The following AP1B1 variants were observed in gnomAD, a reference collection of about 807,000 sequenced individuals.
The protein encoded by AP1B1 is AP-1 complex subunit beta-1.
In AP1B1, 36 loss-of-function variants were observed where a neutral mutation model predicts 104.3. The ratio of observed to expected loss-of-function variants is 0.35; its 90% CI spans 0.26 to 0.46. The LOEUF is 0.46. Ranked by LOEUF, AP1B1 falls within the 20% of genes least tolerant of loss-of-function variation. The pLI is 1.00. For synonymous variants in AP1B1, 504 were observed against 517.5 expected (o/e 0.97, Z 0.35); for missense variants, 901 against 1,247.9 (o/e 0.72, Z 4.19).
chr22:29,356,166 CAA>C (rs903679175), intron 6 of AP1B1, among the ~76,000 whole-genome samples: 8 of 152,254 alleles, frequency 5.3e-5, no homozygotes, highest in Non-Finnish European at 8.8e-5. Flanking sequence ...CTATTGAACT[CAA>C]AAGAGGTGCC....
rs2061727245 is a variant in AP1B1 at position 29,342,330 on chromosome 22, T to C, written c.1491A>G (p.Thr497=). The change falls in exon 12 of 23, where the codon ACA becomes ACG. Residue 497 remains threonine, a synonymous_variant. Transcript: ENST00000357586. ...CCTGCTGCACCAGCTCCTGGGTCTCTGTTGGCTTCTTTAGAAAGAGTTTCA... is the reference window on the plus strand; with the variant it reads ...CCTGCTGCACCAGCTCCTGGGTCTCCGTTGGCTTCTTTAGAAAGAGTTTCA... ...AIVKLFLKKP[T]ETQELVQQVL... 6.2e-7 allele frequency: 1 copy of C among 1,614,036 alleles called. No individual in the cohort carries two copies. The highest frequency in any genetic ancestry group is 1.7e-5 in the Admixed American group (1 of 60,002).
At chr22:29,358,075 G>A (rs903236859) in intron 5 of AP1B1, among the ~76,000 whole-genome samples, 60 of 152,162 alleles carry the variant, frequency 3.9e-4, no homozygotes, top group African/African-American at 1.3e-3. Flanking sequence ...TGTACTGGCC[G>A]CTCAGTACTG....
At chr22:29,367,826 G>A (rs917843599) in intron 1 of AP1B1, among the ~76,000 whole-genome samples, 2 of 152,152 alleles carry the variant, frequency 1.3e-5, no homozygotes, top group African/African-American at 4.8e-5. Flanking sequence ...TAAAAGGCTA[G>A]GGAGACTTCT....
chr22:29,353,715 G>A (rs1051662336), intron 7 of AP1B1, among the ~76,000 whole-genome samples: 2 of 152,142 alleles, frequency 1.3e-5, no homozygotes, highest in Admixed American at 6.5e-5. Flanking sequence ...TCTTCCAAGA[G>A]AAAATGACTA....
chr22:29,344,077 T>A (rs1200580400), intron 11 of AP1B1, among the ~76,000 whole-genome samples: 1 of 140,694 alleles, frequency 7.1e-6, no homozygotes, highest in Non-Finnish European at 1.5e-5. Flanking sequence ...GCCATTGCAC[T>A]CCAGCATGGG....
At chr22:29,346,584 GCCCGCCGCTCA>G (rs893981622) in intron 11 of AP1B1, among the ~76,000 whole-genome samples, 3 of 152,218 alleles carry the variant, frequency 2.0e-5, no homozygotes, top group Non-Finnish European at 2.9e-5. Flanking sequence ...ATGCTTGCTT[GCCCGCCGCTCA>G]CCTCCCGCTG....
At chr22:29,377,810 CAAA>C (rs34461211) in intron 1 of AP1B1, among the ~76,000 whole-genome samples, 5 of 76,646 alleles carry the variant, frequency 6.5e-5, no homozygotes, top group Admixed American at 1.4e-4. Flanking sequence ...GACTCTGTCT[CAAA>C]AAAAAAAAAA....
intron 16 of AP1B1, among the ~76,000 whole-genome samples, chr22:29,337,519 G>A (rs1180241582): frequency 6.6e-6 from 1 of 152,184 alleles, no homozygotes; most frequent in African/African-American, 2.4e-5. Context: ...TGACAGAGCT[G>A]TCACTGCCCC....
At position 29,340,792 on chromosome 22, in the gene AP1B1, A is replaced by T. The variant is rs759362901; in HGVS notation, c.1862T>A (p.Val621Asp). The stretch of plus-strand genomic sequence containing the variant: ...CAGCAGGTCGCCCTGGGCGGGGATG[A>T]CATCTGGCTGCTCCCCAGGAGGTGC... ...TGAPPGEQPD[V>D]IPAQGDLLGD... The change falls in exon 14 of 23, where the codon GTC becomes GAC. Residue 621 changes from valine (V) to aspartate (D), a missense_variant. Val to Asp is a radical substitution (Grantham distance 152). Transcript: ENST00000357586. 6.2e-7 allele frequency: 1 copy of T among 1,600,922 alleles called. No homozygotes were observed. The highest frequency in any genetic ancestry group is 8.5e-7 in the Non-Finnish European group (1 of 1,175,108).
At chr22:29,387,376 C>T (rs928355762) in intron 1 of AP1B1, among the ~76,000 whole-genome samples, 1 of 149,484 alleles carries the variant, frequency 6.7e-6, no homozygotes, top group African/African-American at 2.5e-5. Context: ...CGCACGATCT[C>T]GGCTCACTGC....
chr22:29,330,446 G>C lies in AP1B1; in HGVS notation c.2698C>G (p.Leu900Val), dbSNP rs558578005. 8.1e-6 allele frequency: 13 copies of C among 1,613,938 alleles called. No homozygotes were observed. The Admixed American group carries it at 2.2e-4, about 27-fold the overall frequency. Residue 900 changes from leucine (L) to valine (V), a missense_variant, in exon 21 of 23, where the codon CTG (leucine) becomes GTG (valine). Leu to Val is a conservative substitution (Grantham distance 32). Coordinates refer to ENST00000357586, the MANE Select transcript of AP1B1 (RefSeq NM_001127.4). Reference protein sequence around the residue: ...VEGQDMLYQSLKLTNGIWVLA... With the variant: ...VEGQDMLYQSVKLTNGIWVLA... ...ACCCAGATGCCGTTGGTCAGCTTCA[G>C]GGACTGGTAGAGCATGTCCTGGCCC...
intron 17 of AP1B1, among the ~76,000 whole-genome samples, chr22:29,332,577 C>T (rs1041531287): frequency 6.6e-5 from 10 of 152,178 alleles, no homozygotes; most frequent in Admixed American, 6.5e-4. Context: ...ACCTGGGCTG[C>T]GGATTCAATA....
At chr22:29,343,484 G>A (rs760423178) in intron 11 of AP1B1, among the ~76,000 whole-genome samples, 3 of 152,256 alleles carry the variant, frequency 2.0e-5, no homozygotes, top group Non-Finnish European at 2.9e-5. Context: ...AGCAGCAGAT[G>A]AGCAGTAGGC....
chr22:29,331,820 C>G lies in AP1B1; in HGVS notation c.2406G>C (p.Ser802=), dbSNP rs1443503483. 6.2e-7 allele frequency: 1 copy of G among 1,614,034 alleles called. No individual in the cohort carries two copies. The highest frequency in any genetic ancestry group is 1.7e-5 in the Admixed American group (1 of 60,004). ...TGTTCAGAGGCTCCATCTTCATGACCGAGCCCACCGTGCTGAGAGGCAGGG... is the reference window on the plus strand; with the variant it reads ...TGTTCAGAGGCTCCATCTTCATGACGGAGCCCACCGTGCTGAGAGGCAGGG... ...EISLPLSTVG[S]VMKMEPLNNL... The change falls in exon 18 of 23, where the codon TCG becomes TCC. Residue 802 remains serine (S), a synonymous_variant. Transcript: ENST00000357586.
At chr22:29,333,003 A>C (rs2061584379) in intron 17 of AP1B1, among the ~76,000 whole-genome samples, 2 of 152,262 alleles carry the variant, frequency 1.3e-5, no homozygotes, top group Non-Finnish European at 2.9e-5. Flanking sequence ...CCCAGGAAGC[A>C]TTCAGCACAC....
intron 1 of AP1B1, among the ~76,000 whole-genome samples, chr22:29,386,101 C>A (rs568073684): frequency 1.2e-3 from 186 of 152,336 alleles, no homozygotes; most frequent in African/African-American, 4.2e-3. Flanking sequence ...AGGCATCAGT[C>A]TGCCTAGAGT....
At position 29,331,926 on chromosome 22, in the gene AP1B1, G is replaced by C. The variant is rs1474787595; in HGVS notation, c.2310-10C>G. On this transcript the variant is annotated splice_polypyrimidine_tract_variant and intron_variant, in intron 17 of 22. Coordinates refer to ENST00000357586, the MANE Select transcript of AP1B1 (RefSeq NM_001127.4). The stretch of plus-strand genomic sequence containing the variant: ...GGGGGCCAGGCCAAAGCTGGGGAGA[G>C]AGAAGCCCCACAGGGATGGCAGGGG... The C allele has an allele frequency of 1.9e-6, 3 of 1,605,262 alleles. No homozygotes were observed. In the African/African-American group the frequency reaches 4.0e-5, roughly 21 times the overall value.
chr22:29,352,609 T>C (rs144552098), intron 7 of AP1B1, among the ~76,000 whole-genome samples: 13 of 152,276 alleles, frequency 8.5e-5, no homozygotes, highest in African/African-American at 3.1e-4. Context: ...CTGCTGCTGA[T>C]AGATCTTTGC....
At chr22:29,350,347 A>G (rs2061855647) in intron 9 of AP1B1, among the ~76,000 whole-genome samples, 197 bp from the exon 10 acceptor site, 2 of 152,184 alleles carry the variant, frequency 1.3e-5, no homozygotes, top group Admixed American at 6.5e-5. Context: ...TGGTGGGGAC[A>G]TGGGGAATGA....
Sources: allele counts gnomAD v4.1 joint callset (sites outside exome capture counted in the v4.1 genomes callset), GRCh38; gene constraint gnomAD v4.1.1; transcripts MANE v1.5; gene names NCBI Gene and HGNC (gene_info 2026-07-23, HGNC 2026-07-21).